The following SORCS2 variants were observed in gnomAD, a reference collection of about 807,000 sequenced individuals.
SORCS2 encodes sortilin related VPS10 domain containing receptor 2, also known as VPS10 domain-containing receptor SorCS2.
A neutral mutation model predicts 141.6 loss-of-function variants in SORCS2; 100 were observed. That is an observed-to-expected ratio of 0.71 (90% confidence interval 0.60 to 0.83). The LOEUF (loss-of-function observed/expected upper bound fraction) is 0.83, where lower values mean the gene tolerates loss of function less well. Among genes scored for constraint, SORCS2 ranks in the 40% least tolerant of loss-of-function variants. The pLI is 0.00. For synonymous variants in SORCS2, 789 were observed against 676.9 expected (o/e 1.17, Z -2.57); for missense variants, 1,646 against 1,560.2 (o/e 1.05, Z -0.93).
chr4:7,677,814 C>T (rs1723262511), intron 9 of SORCS2, among the ~76,000 whole-genome samples: 2 of 152,210 alleles, frequency 1.3e-5, no homozygotes, highest in Non-Finnish European at 2.9e-5. Flanking sequence ...GCCAAAAGCC[C>T]CCTGCAGGCG....
chr4:7,212,353 T>G (rs542842497), intron 1 of SORCS2, among the ~76,000 whole-genome samples: 3 of 152,316 alleles, frequency 2.0e-5, no homozygotes, highest in Admixed American at 1.3e-4. Flanking sequence ...CCTGCAATGC[T>G]GTGTACAAAA....
chr4:7,572,767 C>T (rs1715487249), intron 3 of SORCS2, among the ~76,000 whole-genome samples: 1 of 152,232 alleles, frequency 6.6e-6, no homozygotes, highest in East Asian at 1.9e-4. Flanking sequence ...TTCTTGCAAA[C>T]TCACTGAAAG....
chr4:7,320,926 TTTC>T (rs1419825525), intron 1 of SORCS2, among the ~76,000 whole-genome samples: 1 of 136,516 alleles, frequency 7.3e-6, no homozygotes, highest in African/African-American at 2.7e-5. Flanking sequence ...CTCTTTCTCC[TTTC>T]TTTTTCCTTA....
chr4:7,665,600 C>A (rs1437930056), intron 7 of SORCS2, among the ~76,000 whole-genome samples: 1 of 152,190 alleles, frequency 6.6e-6, no homozygotes, highest in Non-Finnish European at 1.5e-5. Flanking sequence ...AGACCCCCAG[C>A]CCTGTGCCTT....
chr4:7,617,317 T>C (rs565501419), intron 3 of SORCS2, among the ~76,000 whole-genome samples: 13 of 152,224 alleles, frequency 8.5e-5, no homozygotes, highest in Admixed American at 6.5e-4. Flanking sequence ...TTGATCTATA[T>C]GGTATTCGTC....
intron 3 of SORCS2, among the ~76,000 whole-genome samples, chr4:7,609,367 C>G (rs983509704): frequency 6.6e-6 from 1 of 152,178 alleles, no homozygotes; most frequent in Non-Finnish European, 1.5e-5. Context: ...TCCGTGCTTA[C>G]CTGGAGGCAC....
At chr4:7,261,196 G>A (rs544932684) in intron 1 of SORCS2, among the ~76,000 whole-genome samples, 5 of 152,132 alleles carry the variant, frequency 3.3e-5, no homozygotes, top group Admixed American at 1.3e-4. Context: ...CAGCTCTGTC[G>A]TCTAACATTA....
chr4:7,737,951 G>A (rs114564892), intron 26 of SORCS2, among the ~76,000 whole-genome samples: 2,135 of 152,318 alleles, frequency 0.014, 45 homozygotes, highest in African/African-American at 0.048. Context: ...ACATGGTCTC[G>A]CTGTGTGGCT....
intron 2 of SORCS2, among the ~76,000 whole-genome samples, chr4:7,527,822 G>T (rs1733790938): frequency 6.6e-6 from 1 of 152,136 alleles, no homozygotes; most frequent in African/African-American, 2.4e-5. Flanking sequence ...GGAGATGTAG[G>T]GGTGGAATTT....
chr4:7,261,235 C>T (rs889224214), intron 1 of SORCS2, among the ~76,000 whole-genome samples: 1 of 152,158 alleles, frequency 6.6e-6, no homozygotes, highest in Non-Finnish European at 1.5e-5. Flanking sequence ...TTTGATCCAG[C>T]TTGTGGAGGC....
At chr4:7,519,115 G>A (rs535777826) in intron 2 of SORCS2, among the ~76,000 whole-genome samples, 1 of 152,354 alleles carries the variant, frequency 6.6e-6, no homozygotes, top group East Asian at 1.9e-4. Flanking sequence ...CAGAGCAGCT[G>A]TAGAGCAGGC....
At chr4:7,564,263 C>T (rs1045055633) in intron 3 of SORCS2, among the ~76,000 whole-genome samples, 1 of 152,222 alleles carries the variant, frequency 6.6e-6, no homozygotes, top group African/African-American at 2.4e-5. Context: ...CTTCTCCAGC[C>T]ACGCTGCCCC....
intron 2 of SORCS2, among the ~76,000 whole-genome samples, chr4:7,484,381 C>A (rs1730844850): frequency 6.6e-6 from 1 of 152,174 alleles, no homozygotes; most frequent in East Asian, 1.9e-4. Context: ...TCAAGTTTAT[C>A]TTCCTCCTAT....
intron 25 of SORCS2, among the ~76,000 whole-genome samples, chr4:7,736,827 T>A (rs917105826): frequency 6.6e-6 from 1 of 152,032 alleles, no homozygotes; most frequent in African/African-American, 2.4e-5. Flanking sequence ...GATCACCCAA[T>A]GTGTCAGGGC....
At chr4:7,221,088 C>A (rs1224629088) in intron 1 of SORCS2, among the ~76,000 whole-genome samples, 2 of 152,192 alleles carry the variant, frequency 1.3e-5, no homozygotes, top group African/African-American at 4.8e-5. Flanking sequence ...ATTAAACATA[C>A]AATCATGTTG....
rs377383428 is a variant in SORCS2 at position 7,725,304 on chromosome 4, C to G, written c.2745+17C>G. On this transcript the variant is annotated intron_variant, in intron 20 of 26. Transcript: ENST00000507866. ...AGCCTGCAGGTGCGCTGGCTTTGCC[C>G]CAACTCAGCCCTTCTTCCCGCAGGC... 14 of 1,608,006 alleles carry G rather than the reference C, an allele frequency of 8.7e-6. No individual in the cohort carries two copies. The African/African-American group carries it at 1.1e-4, about 12-fold the overall frequency.
At chr4:7,679,196 C>A (rs183423320) in intron 9 of SORCS2, among the ~76,000 whole-genome samples, 79 of 152,252 alleles carry the variant, frequency 5.2e-4, no homozygotes, top group African/African-American at 1.8e-3. Context: ...GTCTCTCCCC[C>A]AGCAGGGCAC....
chr4:7,477,509 T>G (rs969697328), intron 2 of SORCS2, among the ~76,000 whole-genome samples: 1 of 152,114 alleles, frequency 6.6e-6, no homozygotes, highest in African/African-American at 2.4e-5. Flanking sequence ...CTGGCTCCCA[T>G]TCCAGATCCA....
intron 2 of SORCS2, among the ~76,000 whole-genome samples, chr4:7,425,026 G>A (rs185164969): frequency 6.4e-4 from 98 of 152,336 alleles, no homozygotes; most frequent in Non-Finnish European, 8.5e-4. Context: ...TCTGTGGGCC[G>A]AGCTCAGGGA....
Sources: allele counts gnomAD v4.1 joint callset (sites outside exome capture counted in the v4.1 genomes callset), GRCh38; gene constraint gnomAD v4.1.1; transcripts MANE v1.5; gene names NCBI Gene and HGNC (gene_info 2026-07-23, HGNC 2026-07-21).